Variants in LRRC39 observed in about 807,000 individuals in gnomAD.
The protein encoded by LRRC39 is leucine-rich repeat-containing protein 39.
LRRC39 carries 35 observed loss-of-function variants against 39.7 expected under a neutral mutation model. The ratio of observed to expected loss-of-function variants is 0.88; its 90% CI spans 0.67 to 1.17. LRRC39 has a LOEUF of 1.17. Ranked by LOEUF, LRRC39 falls within the 50% of genes most tolerant of loss-of-function variation. The probability of loss-of-function intolerance (pLI) is 0.00; values close to 1 mark genes in which losing one functional copy is unlikely to be tolerated. For synonymous variants in LRRC39, 113 were observed against 134.1 expected (o/e 0.84, Z 1.09); for missense variants, 357 against 385.8 (o/e 0.93, Z 0.62).
chr1:100,154,593 T>G (rs1008632052), intron 8 of LRRC39, among the ~76,000 whole-genome samples: 1 of 152,170 alleles, frequency 6.6e-6, no homozygotes, highest in Non-Finnish European at 1.5e-5. Context: ...CTACATATTT[T>G]AATAAGAAAC....
At chr1:100,152,598 A>G in intron 8 of LRRC39, 74 bp from the exon 9 acceptor site, 1 of 1,484,036 alleles carries the variant, frequency 6.7e-7, no homozygotes, top group South Asian at 1.3e-5. Flanking sequence ...GAGAAAGGTC[A>G]AATGATAATA....
intron 3 of LRRC39, among the ~76,000 whole-genome samples, chr1:100,162,398 A>T (rs1441275719): frequency 6.6e-6 from 1 of 152,144 alleles, no homozygotes; most frequent in Non-Finnish European, 1.5e-5. Context: ...TCACACCTGT[A>T]ATCCCAGCAC....
chr1:100,169,472 C>T (rs1659455375), intron 2 of LRRC39, among the ~76,000 whole-genome samples: 1 of 152,092 alleles, frequency 6.6e-6, no homozygotes, highest in South Asian at 2.1e-4. Flanking sequence ...CACTAATGCT[C>T]ATCCACACTA....
chr1:100,161,161 A>G (rs1658846851), intron 3 of LRRC39, among the ~76,000 whole-genome samples: 1 of 152,216 alleles, frequency 6.6e-6, no homozygotes, highest in African/African-American at 2.4e-5. Flanking sequence ...AAATTTTGGT[A>G]TATTCACAGA....
chr1:100,155,269 C>A lies in LRRC39; in HGVS notation c.660-66G>T, dbSNP rs72973713. ...GAAAATATTGGTTTTGGAGTTTTAA[C>A]AAATAATTTTAAGAGGTAGGGGTCT... is the stretch of plus-strand genomic sequence containing the variant. On this transcript the variant is annotated intron_variant, in intron 7 of 9. Transcript: ENST00000370137. 6.0e-3 allele frequency: 8,299 copies of A among 1,374,652 alleles called. 447 individuals carry two copies. In the African/African-American group the frequency reaches 0.11, roughly 18 times the overall value. 85.2% of individuals were successfully genotyped at this position (1,374,652 alleles called of 1,614,324 possible). A position where few individuals can be genotyped will look rare whatever the true frequency, so the allele number is the denominator to read the frequency against.
At chr1:100,157,252 C>T (rs1216190375) in intron 6 of LRRC39, among the ~76,000 whole-genome samples, 1 of 152,078 alleles carries the variant, frequency 6.6e-6, no homozygotes, top group Non-Finnish European at 1.5e-5. Flanking sequence ...TGAATCATGG[C>T]GATGGTTTCC....
In LRRC39 at chr1:100,168,527, C is replaced by T. The variant is rs753317246; in HGVS notation, c.-11G>A. On this transcript the variant is annotated 5_prime_UTR_variant, in exon 3 of 10. In the 5' UTR this introduces an upstream ATG that the reference lacks. Transcript: ENST00000370137. ...CACATTTTCTGTCATGATTTCTCCACATTGTCATAGTCACCAACTTCATTA... is the reference window on the plus strand; with the variant it reads ...CACATTTTCTGTCATGATTTCTCCATATTGTCATAGTCACCAACTTCATTA... 6.3e-7 allele frequency: 1 copy of T among 1,597,488 alleles called. No individual in the cohort carries two copies. The highest frequency in any genetic ancestry group is 1.3e-5 in the African/African-American group (1 of 74,370).
chr1:100,156,379 A>C, intron 6 of LRRC39, 62 bp from the exon 7 acceptor site: 63 of 1,468,066 alleles, frequency 4.3e-5, no homozygotes, highest in Non-Finnish European at 5.3e-5. Flanking sequence ...TAAAAGACTC[A>C]CATTGGTAAA....
chr1:100,148,740 A>G lies in LRRC39; in HGVS notation c.*302T>C, dbSNP rs775412914. The stretch of plus-strand genomic sequence containing the variant: ...ATTCAGTCCTGCTTTGCAGTACTAT[A>G]CAGACCCTCTGGTGTCTTTGGAAAA... On this transcript the variant is annotated 3_prime_UTR_variant, in exon 10 of 10. Coordinates refer to ENST00000370137, the MANE Select transcript of LRRC39 (RefSeq NM_144620.4). 3 of 1,599,032 alleles carry G rather than the reference A, an allele frequency of 1.9e-6. No individual in the cohort carries two copies. The highest frequency in any genetic ancestry group is 1.7e-6 in the Non-Finnish European group (2 of 1,174,542).
At chr1:100,158,172 TTGAG>T (rs1263481987) in intron 6 of LRRC39, 55 bp downstream of exon 6, 16 of 1,531,746 alleles carry the variant, frequency 1.0e-5, no homozygotes, top group African/African-American at 6.9e-5. Flanking sequence ...CAACCACACA[TTGAG>T]TGGTCAACTA....
intron 1 of LRRC39, among the ~76,000 whole-genome samples, chr1:100,175,319 G>A (rs1241082235): frequency 1.3e-5 from 2 of 151,142 alleles, no homozygotes; most frequent in Non-Finnish European, 2.9e-5. Flanking sequence ...CTTCAGAATA[G>A]CTGGGACTAC....
intron 4 of LRRC39, among the ~76,000 whole-genome samples, chr1:100,160,239 A>G (rs573402071): frequency 6.6e-6 from 1 of 152,338 alleles, no homozygotes; most frequent in East Asian, 1.9e-4. Context: ...TAGGAGAAAT[A>G]TCACAAATGA....
intron 8 of LRRC39, among the ~76,000 whole-genome samples, chr1:100,153,951 C>T (rs1014354786): frequency 3.3e-5 from 5 of 151,920 alleles, no homozygotes; most frequent in African/African-American, 1.2e-4. Context: ...AATTGTTTCC[C>T]TTTGTGCTTA....
At chr1:100,159,131 A>G (rs973786921) in intron 5 of LRRC39, 128 bp downstream of exon 5, 9 of 668,578 alleles carry the variant, frequency 1.3e-5, no homozygotes, top group African/African-American at 5.6e-5. Flanking sequence ...TTTAGATTAA[A>G]TGTTTAAAAT....
At chr1:100,175,882 C>A (rs1399031547) in intron 1 of LRRC39, among the ~76,000 whole-genome samples, 1 of 152,158 alleles carries the variant, frequency 6.6e-6, no homozygotes, top group African/African-American at 2.4e-5. Flanking sequence ...GCTGATTATA[C>A]CAAGTGTTGG....
At position 100,168,485 on chromosome 1, in the gene LRRC39, A is replaced by G; in HGVS notation, c.32T>C (p.Val11Ala). Residue 11 changes from valine (V) to alanine (A), a missense_variant, in exon 3 of 10, where the codon GTC (valine) becomes GCC (alanine). Val to Ala is a moderately conservative substitution (Grantham distance 64). Transcript: ENST00000370137. MTENVVCTGA[V>A]NAVKEVWEKR... ...TTCCCAAACTTCCTTTACAGCATTGACAGCCCCAGTACAAACCACATTTTC... is the reference window on the plus strand; with the variant it reads ...TTCCCAAACTTCCTTTACAGCATTGGCAGCCCCAGTACAAACCACATTTTC... 1 of 1,612,608 alleles carries G rather than the reference A, an allele frequency of 6.2e-7. No individual in the cohort carries two copies. The highest frequency in any genetic ancestry group is 1.7e-5 in the Admixed American group (1 of 59,714).
At chr1:100,161,427 A>G (rs746106007) in intron 3 of LRRC39, among the ~76,000 whole-genome samples, 1 of 152,056 alleles carries the variant, frequency 6.6e-6, no homozygotes, top group Non-Finnish European at 1.5e-5. Flanking sequence ...ATGTATTAGT[A>G]CTTCATTTCT....
At chr1:100,162,830 T>C (rs1658987913) in intron 3 of LRRC39, among the ~76,000 whole-genome samples, 1 of 152,186 alleles carries the variant, frequency 6.6e-6, no homozygotes, top group Non-Finnish European at 1.5e-5. Flanking sequence ...TTTGAATATT[T>C]GTTTGCCAGA....
chr1:100,160,656 A>G, intron 3 of LRRC39, 85 bp from the exon 4 acceptor site: 1 of 1,107,346 alleles, frequency 9.0e-7, no homozygotes, highest in East Asian at 2.5e-5. Context: ...AGAGAGTTTC[A>G]CTCTTTTGCC....
Sources: allele counts gnomAD v4.1 joint callset (sites outside exome capture counted in the v4.1 genomes callset), GRCh38; gene constraint gnomAD v4.1.1; transcripts MANE v1.5; gene names NCBI Gene and HGNC (gene_info 2026-07-23, HGNC 2026-07-21).